Variants in PDS5B observed in about 807,000 individuals in gnomAD.
The protein encoded by PDS5B is PDS5 cohesin associated factor B.
In PDS5B, 51 loss-of-function variants were observed where a neutral mutation model predicts 184.1. The observed-to-expected ratio is 0.28, with a 90% confidence interval of 0.22 to 0.35. The LOEUF (loss-of-function observed/expected upper bound fraction) is 0.35. Ranked by LOEUF, PDS5B falls within the 10% of genes least tolerant of loss-of-function variation. The probability of loss-of-function intolerance (pLI) is 1.00; values close to 1 mark genes in which losing one functional copy is unlikely to be tolerated. For synonymous variants in PDS5B, 566 were observed against 569.2 expected (o/e 0.99, Z 0.08); for missense variants, 1,180 against 1,723.3 (o/e 0.68, Z 5.58).
chr13:32,608,471 GAT>G (rs1156479216), intron 1 of PDS5B, among the ~76,000 whole-genome samples: 1 of 152,108 alleles, frequency 6.6e-6, no homozygotes, highest in African/African-American at 2.4e-5. Context: ...TACAGTGATT[GAT>G]ATATATATTT....
At chr13:32,615,028 A>C (rs1319785618) in intron 1 of PDS5B, among the ~76,000 whole-genome samples, 2 of 152,208 alleles carry the variant, frequency 1.3e-5, no homozygotes, top group East Asian at 3.8e-4. Flanking sequence ...TTACATGCTT[A>C]TGTAACCAGC....
intron 14 of PDS5B, 78 bp downstream of exon 14, chr13:32,694,382 TAAAC>T (rs1951641860): frequency 3.5e-6 from 3 of 862,974 alleles, no homozygotes; most frequent in South Asian, 3.0e-5. Flanking sequence ...TGCTATGTGT[TAAAC>T]AATTCTTTCT....
At position 32,775,917 on chromosome 13, in the gene PDS5B, G is replaced by T. The variant is rs1021255190; in HGVS notation, c.*865G>T. 3.7e-6 allele frequency: 1 copy of T among 268,854 alleles called. No individual in the cohort carries two copies. Among genetic ancestry groups the T allele is most frequent in the Non-Finnish European group, 7.4e-6 (1 of 135,654 alleles). 16.7% of individuals were successfully genotyped at this position (268,854 alleles called of 1,614,324 possible). A position where few individuals can be genotyped will look rare whatever the true frequency, so the allele number is the denominator to read the frequency against. On this transcript the variant is annotated 3_prime_UTR_variant, in exon 35 of 35. Transcript: ENST00000315596. ...CTGTAATTTGAATGAGTTTTTAATA[G>T]TCTAGAATGTTATTGTGTATAGATA...
intron 1 of PDS5B, among the ~76,000 whole-genome samples, chr13:32,643,655 AC>A (rs1368453549): frequency 1.3e-5 from 2 of 152,116 alleles, no homozygotes; most frequent in African/African-American, 4.8e-5. Context: ...ACAGATACTT[AC>A]CATTGTGTTA....
chr13:32,735,045 G>A (rs771370645), intron 20 of PDS5B, 127 bp from the exon 21 acceptor site: 137 of 535,536 alleles, frequency 2.6e-4, no homozygotes, highest in Non-Finnish European at 3.8e-4. Context: ...TGAAATTTTT[G>A]TAGTTTTTAT....
chr13:32,630,809 C>T (rs149996943), intron 1 of PDS5B, among the ~76,000 whole-genome samples: 1 of 144,012 alleles, frequency 6.9e-6, no homozygotes, highest in East Asian at 2.0e-4. Flanking sequence ...TTTTTTCAGA[C>T]GGAGTCTCAC....
At chr13:32,662,292 T>C (rs1372517043) in intron 6 of PDS5B, among the ~76,000 whole-genome samples, 2 of 152,096 alleles carry the variant, frequency 1.3e-5, no homozygotes, top group East Asian at 3.8e-4. Flanking sequence ...GCTCAAAATA[T>C]ATAAAGCACA....
At chr13:32,621,691 A>G (rs1369206805) in intron 1 of PDS5B, among the ~76,000 whole-genome samples, 1 of 152,198 alleles carries the variant, frequency 6.6e-6, no homozygotes, top group African/African-American at 2.4e-5. Context: ...TCTAGGAAAT[A>G]ACATCTAAAA....
At chr13:32,726,574 G>T (rs1289914487) in intron 19 of PDS5B, among the ~76,000 whole-genome samples, 1 of 152,184 alleles carries the variant, frequency 6.6e-6, no homozygotes, top group East Asian at 1.9e-4. Flanking sequence ...CTTCCCCACA[G>T]CCTTGCCAGT....
chr13:32,762,342 T>C (rs986184684), intron 30 of PDS5B, among the ~76,000 whole-genome samples: 3 of 152,128 alleles, frequency 2.0e-5, no homozygotes, highest in African/African-American at 7.2e-5. Flanking sequence ...GTAAAGAAGG[T>C]AGGTGACATT....
chr13:32,644,793 T>A (rs1950178828), intron 1 of PDS5B, among the ~76,000 whole-genome samples: 1 of 152,220 alleles, frequency 6.6e-6, no homozygotes, highest in African/African-American at 2.4e-5. Context: ...TTTACCAAAT[T>A]TTTCTTAATT....
chr13:32,626,082 T>G (rs994516406), intron 1 of PDS5B, among the ~76,000 whole-genome samples: 1 of 152,138 alleles, frequency 6.6e-6, no homozygotes, highest in African/African-American at 2.4e-5. Context: ...CCGAGTGATC[T>G]ATCTGCCTCG....
chr13:32,666,156 C>G (rs896071873), intron 6 of PDS5B, among the ~76,000 whole-genome samples: 2 of 152,224 alleles, frequency 1.3e-5, no homozygotes, highest in African/African-American at 4.8e-5. Context: ...TCTCAGCTCA[C>G]TGCAACCTCT....
Position 32,710,083 on chromosome 13 carries a change from A to G in PDS5B, c.2100A>G (p.Glu700=). ...QIFKNTGSKI[E]EDFPHIRSAL... ...TCAAAAACACAGGAAGCAAAATTGAAGAGGATTTTCCACACATCAGATCGT... is the reference window on the plus strand; with the variant it reads ...TCAAAAACACAGGAAGCAAAATTGAGGAGGATTTTCCACACATCAGATCGT... Residue 700 remains glutamate (E), a synonymous_variant, in exon 19 of 35, where the codon GAA becomes GAG. Coordinates refer to ENST00000315596, the MANE Select transcript of PDS5B (RefSeq NM_015032.4). 1 of 1,532,744 alleles carries G rather than the reference A, an allele frequency of 6.5e-7. No individual in the cohort carries two copies. 94.9% of individuals were successfully genotyped at this position (1,532,744 alleles called of 1,614,324 possible).
At chr13:32,671,221 A>G (rs1350203348) in intron 7 of PDS5B, among the ~76,000 whole-genome samples, 1 of 150,884 alleles carries the variant, frequency 6.6e-6, no homozygotes, top group African/African-American at 2.5e-5. Flanking sequence ...GGAGAAGACC[A>G]ACTTGGTCAT....
intron 8 of PDS5B, 70 bp downstream of exon 8, chr13:32,673,426 A>AT: frequency 2.3e-6 from 3 of 1,296,868 alleles, no homozygotes; most frequent in Non-Finnish European, 3.2e-6. Context: ...TAGCTTTTTA[A>AT]TTTTTACAGT....
chr13:32,665,693 A>C (rs996485723), intron 6 of PDS5B, among the ~76,000 whole-genome samples: 4 of 152,042 alleles, frequency 2.6e-5, no homozygotes, highest in African/African-American at 9.7e-5. Flanking sequence ...GTATGAGAAC[A>C]GACTGATAAA....
At chr13:32,666,485 A>G (rs571236796) in intron 6 of PDS5B, among the ~76,000 whole-genome samples, 10 of 152,208 alleles carry the variant, frequency 6.6e-5, no homozygotes, top group Non-Finnish European at 1.2e-4. Flanking sequence ...CAAAGAAAAC[A>G]TAAATATTTG....
At chr13:32,774,563 A>G (rs1288053586) in intron 34 of PDS5B, among the ~76,000 whole-genome samples, 1 of 152,236 alleles carries the variant, frequency 6.6e-6, no homozygotes, top group Non-Finnish European at 1.5e-5. Context: ...AAATGATAAT[A>G]TGTTTGAATT....
Sources: gnomAD v4.1 joint callset for allele counts (sites outside exome capture counted in the v4.1 genomes callset) on GRCh38, gnomAD v4.1.1 for gene constraint, MANE v1.5 for transcripts, NCBI Gene and HGNC (gene_info 2026-07-23, HGNC 2026-07-21) for gene names.